ASTN2: variants seen among roughly 807,000 people sequenced by gnomAD.
ASTN2 encodes the protein astrotactin 2, also known as astrotactin-2.
A neutral mutation model predicts 139.8 loss-of-function variants in ASTN2; 54 were observed. The observed-to-expected ratio is 0.39, with a 90% CI of 0.31 to 0.48. ASTN2 has a LOEUF of 0.48. Among genes scored for constraint, ASTN2 ranks in the 20% least tolerant of loss-of-function variants. The pLI is 0.95. For missense variants in ASTN2, 1,565 were observed against 1,725.1 expected, an observed-to-expected ratio of 0.91 and a Z score of 1.64; for synonymous variants, 756 against 719.5, an observed-to-expected ratio of 1.05 and a Z score of -0.81.
chr9:117,042,214 A>T (rs1186023236), intron 5 of ASTN2, among the ~76,000 whole-genome samples: 1 of 152,164 alleles, frequency 6.6e-6, no homozygotes, highest in Non-Finnish European at 1.5e-5. Flanking sequence ...GTAACATTGG[A>T]TTACAACAGA....
intron 17 of ASTN2, among the ~76,000 whole-genome samples, chr9:116,632,181 AGAGG>A (rs1484709264): frequency 1.6e-4 from 4 of 25,258 alleles, no homozygotes; most frequent in Non-Finnish European, 3.6e-4. Context: ...AGAGAGAGAG[AGAGG>A]GAGAGAGAGA....
intron 20 of ASTN2, among the ~76,000 whole-genome samples, chr9:116,482,299 C>A (rs1229363827): frequency 6.6e-6 from 1 of 152,092 alleles, no homozygotes; most frequent in Non-Finnish European, 1.5e-5. Flanking sequence ...GCACTCCAGC[C>A]TGGGTGACAG....
chr9:116,909,956 G>A (rs949446042), intron 10 of ASTN2, among the ~76,000 whole-genome samples: 1 of 152,134 alleles, frequency 6.6e-6, no homozygotes, highest in Non-Finnish European at 1.5e-5. Context: ...AGCCCTGGTG[G>A]AAGGGGAATC....
rs763172140 is a variant in ASTN2 at position 116,699,696 on chromosome 9, A to G, written c.2806+26075T>C. The G allele has an allele frequency of 1.1e-5, 17 of 1,613,930 alleles. No homozygotes were observed. The highest frequency in any genetic ancestry group is 1.4e-5 in the Non-Finnish European group (17 of 1,180,002). On this transcript the variant is annotated intron_variant, in intron 16 of 22. Transcript: ENST00000313400. The surrounding 1 kb of genome is among the most constrained non-coding windows in gnomAD (Gnocchi z 4.2). Reference sequence around the variant, plus strand: ...CAGCTACCATCTGAGAAGATATTCCACCCCATAGGGGATGAGAAATTATCA... The same window carrying G: ...CAGCTACCATCTGAGAAGATATTCCGCCCCATAGGGGATGAGAAATTATCA...
intron 12 of ASTN2, among the ~76,000 whole-genome samples, chr9:116,808,163 T>C (rs1831076303): frequency 6.6e-6 from 1 of 152,110 alleles, no homozygotes; most frequent in South Asian, 2.1e-4. Context: ...TCAAAGTCTA[T>C]AGAGTAAAAT....
At chr9:116,749,940 G>A (rs990374349) in intron 13 of ASTN2, among the ~76,000 whole-genome samples, 2 of 152,088 alleles carry the variant, frequency 1.3e-5, no homozygotes, top group African/African-American at 4.8e-5. Context: ...GCAGATGCTG[G>A]AGCCATGTTT....
chr9:117,220,045 G>C (rs1462701523), intron 2 of ASTN2, among the ~76,000 whole-genome samples: 1 of 152,212 alleles, frequency 6.6e-6, no homozygotes, highest in African/African-American at 2.4e-5. Flanking sequence ...ATAGTTCACA[G>C]TGTGAAGAGT....
At position 117,141,414 on chromosome 9, in the gene ASTN2, G is replaced by A. The variant is rs115011238; in HGVS notation, c.1080C>T (p.Arg360=). The A allele has an allele frequency of 2.0e-4, 270 of 1,367,480 alleles. No homozygotes were observed. The African/African-American group carries it at 3.2e-3, about 16-fold the overall frequency. 84.7% of individuals were successfully genotyped at this position (1,367,480 alleles called of 1,614,324 possible). ...SLMQKFKESF[R]ANTPIEIGQL... ...GACCGATCTCGATGGGCGTGTTAGC[G>A]CGGAAACTCTCCTTGAACTTCTGCA... Residue 360 remains arginine (R), a synonymous_variant, in exon 4 of 23, where the codon CGC becomes CGT. Transcript: ENST00000313400.
chr9:117,141,361 G>A lies in ASTN2; in HGVS notation c.1133C>T (p.Ser378Leu), dbSNP rs747307846. ...GQLQPPLRST[S>L]AGKRKRRSKS... ...GCTCCTCCGCTTCCTCTTCCCTGCC[G>A]ATGTGCTGCGCAGGGGTGGTTGCAG... Residue 378 changes from serine to leucine, a missense_variant, in exon 4 of 23, where the codon TCG becomes TTG. Physicochemically the swap from Ser to Leu is moderately radical, Grantham distance 145. Coordinates refer to ENST00000313400, the MANE Select transcript of ASTN2 (RefSeq NM_001365068.1). The A allele has an allele frequency of 1.2e-5, 17 of 1,367,380 alleles. No homozygotes were observed. The highest frequency in any genetic ancestry group is 4.5e-5 in the South Asian group (4 of 88,044). 84.7% of individuals were successfully genotyped at this position (1,367,380 alleles called of 1,614,324 possible).
intron 16 of ASTN2, among the ~76,000 whole-genome samples, chr9:116,658,411 T>C (rs1048932386): frequency 6.6e-6 from 1 of 152,118 alleles, no homozygotes; most frequent in South Asian, 2.1e-4. Context: ...ATGGGTCACA[T>C]AGAAGAAAGA....
chr9:116,666,239 T>TA (rs777353379), intron 16 of ASTN2, among the ~76,000 whole-genome samples: 1 of 152,228 alleles, frequency 6.6e-6, no homozygotes, highest in Non-Finnish European at 1.5e-5. Flanking sequence ...GTGCCACTGA[T>TA]ATGATTCTCT....
intron 2 of ASTN2, among the ~76,000 whole-genome samples, chr9:117,235,290 A>G (rs929226307): frequency 7.2e-5 from 11 of 151,960 alleles, no homozygotes; most frequent in African/African-American, 2.7e-4. Context: ...CCAAGCCCCT[A>G]TTGCATGTCA....
At chr9:116,894,534 G>T (rs1449494009) in intron 10 of ASTN2, among the ~76,000 whole-genome samples, 1 of 152,070 alleles carries the variant, frequency 6.6e-6, no homozygotes, top group East Asian at 1.9e-4. Flanking sequence ...CTATCACCCA[G>T]GCTGGAGTAC....
At chr9:117,119,998 G>GTATC (rs1829501886) in intron 4 of ASTN2, among the ~76,000 whole-genome samples, 1 of 41,084 alleles carries the variant, frequency 2.4e-5, no homozygotes, top group Non-Finnish European at 4.9e-5. Context: ...GTATGTGTGT[G>GTATC]TGTGTGTGTG....
At position 116,729,101 on chromosome 9, in the gene ASTN2, G is replaced by T; in HGVS notation, c.2522-5C>A. On this transcript the variant is annotated splice_region_variant and splice_polypyrimidine_tract_variant and intron_variant, in intron 14 of 22. Transcript: ENST00000313400. Reference sequence around the variant, plus strand: ...CCTCATCATACCTGATATCTCCTGGGAGAGAAAATAAGATGGTCACGTGAG... The same window carrying T: ...CCTCATCATACCTGATATCTCCTGGTAGAGAAAATAAGATGGTCACGTGAG... 1 of 1,573,948 alleles carries T rather than the reference G, an allele frequency of 6.4e-7. No individual in the cohort carries two copies. The highest frequency in any genetic ancestry group is 8.6e-7 in the Non-Finnish European group (1 of 1,158,196).
chr9:117,379,729 A>G (rs951711369), intron 1 of ASTN2, among the ~76,000 whole-genome samples: 1 of 152,202 alleles, frequency 6.6e-6, no homozygotes, highest in African/African-American at 2.4e-5. Flanking sequence ...ACTTAAAACG[A>G]GAGAGAAAAT....
intron 5 of ASTN2, among the ~76,000 whole-genome samples, chr9:117,051,061 T>G (rs527583832): frequency 2.4e-4 from 37 of 152,250 alleles, no homozygotes; most frequent in African/African-American, 8.7e-4. Context: ...CTTAACCCTA[T>G]CTCATATATT....
At chr9:116,531,828 G>A (rs1399529671) in intron 19 of ASTN2, among the ~76,000 whole-genome samples, 3 of 152,082 alleles carry the variant, frequency 2.0e-5, no homozygotes, top group Admixed American at 2.0e-4. Context: ...GAAAACATAC[G>A]TGTGCATGTG....
chr9:117,220,577 C>CATGAAT (rs1349174532), intron 2 of ASTN2, among the ~76,000 whole-genome samples: 4 of 152,154 alleles, frequency 2.6e-5, no homozygotes, highest in African/African-American at 9.7e-5. Flanking sequence ...AAGAAGCTCA[C>CATGAAT]ATGAAGATGA....
Sources: allele counts gnomAD v4.1 joint callset (sites outside exome capture counted in the v4.1 genomes callset), GRCh38; gene constraint gnomAD v4.1.1; non-coding constraint Gnocchi (gnomAD v3.1); transcripts MANE v1.5; gene names NCBI Gene and HGNC (gene_info 2026-07-23, HGNC 2026-07-21).